NAA38: variants seen among roughly 807,000 people sequenced by gnomAD.
NAA38 encodes N-alpha-acetyltransferase 38, NatC auxiliary subunit.
A neutral mutation model predicts 12.6 loss-of-function variants in NAA38; 15 were observed. The ratio of observed to expected loss-of-function variants is 1.19; its 90% CI spans 0.79 to 1.83. The LOEUF (loss-of-function observed/expected upper bound fraction) is 1.83. Ranked by LOEUF, NAA38 falls within the 40% of genes most tolerant of loss-of-function variation. The pLI is 0.00. For missense variants in NAA38, 183 were observed against 171.7 expected (o/e 1.07, Z -0.37); for synonymous variants, 88 against 69.9 (o/e 1.26, Z -1.29).
upstream of NAA38, chr17:7,858,199 C>T (rs1190356343): frequency 1.2e-6 from 2 of 1,613,970 alleles, no homozygotes; most frequent in South Asian, 1.1e-5. Context: ...TATTTCACGC[C>T]GGCGGAGGTG....
upstream of NAA38, chr17:7,859,378 C>T (rs760384583): frequency 2.5e-5 from 41 of 1,613,194 alleles, no homozygotes; most frequent in East Asian, 8.9e-4. Context: ...TCTGTGTTCT[C>T]CAGGTGGGGG....
chr17:7,874,527 C>T (rs1181083167), intron 2 of NAA38, among the ~76,000 whole-genome samples: 2 of 152,156 alleles, frequency 1.3e-5, no homozygotes, highest in African/African-American at 4.8e-5. Flanking sequence ...CACAGCAAGA[C>T]TGCTGCAGCC....
intron 3 of NAA38, chr17:7,866,381 T>C: frequency 2.4e-6 from 2 of 823,018 alleles, no homozygotes; most frequent in Non-Finnish European, 3.2e-6. Flanking sequence ...GTGCTGGAAT[T>C]ACAGGTGTGA....
At chr17:7,859,610 T>C (rs201717097), upstream of NAA38, 39 of 1,613,852 alleles carry the variant, frequency 2.4e-5, no homozygotes, top group African/African-American at 4.1e-4. Flanking sequence ...CACGGAGTTG[T>C]AGGCAAGGAG....
In NAA38 at chr17:7,857,530, CTCGCGAGCGCTCCCGACCTCTTTCCTT is replaced by C; in HGVS notation, c.-94_-68del. 1 of 1,466,046 alleles carries C rather than the reference CTCGCGAGCGCTCCCGACCTCTTTCCTT, an allele frequency of 6.8e-7. No homozygotes were observed. The highest frequency in any genetic ancestry group is 9.0e-7 in the Non-Finnish European group (1 of 1,112,076). 90.8% of individuals were successfully genotyped at this position (1,466,046 alleles called of 1,614,324 possible). A position where few individuals can be genotyped will look rare whatever the true frequency, so the allele number is the denominator to read the frequency against. ...CCTTTCAGGTTGGGTGGTCCGAGATCTCGCGAGCGCTCCCGACCTCTTTCCTTTCGCGAGATCCCCTCTCCTCCCCCT... is the reference window on the plus strand; with the variant it reads ...CCTTTCAGGTTGGGTGGTCCGAGATCTCGCGAGATCCCCTCTCCTCCCCCT... On this transcript the variant is annotated 5_prime_UTR_variant, in exon 1 of 3. Coordinates refer to ENST00000575771, the MANE Select transcript of NAA38 (RefSeq NM_001320925.4).
At chr17:7,871,704 G>C (rs994708531) in intron 2 of NAA38, among the ~76,000 whole-genome samples, 7 of 152,164 alleles carry the variant, frequency 4.6e-5, no homozygotes, top group Non-Finnish European at 8.8e-5. Flanking sequence ...GCCCAGGCTG[G>C]AGTGCAGTGG....
At chr17:7,871,574 G>A (rs1567817487) in intron 2 of NAA38, among the ~76,000 whole-genome samples, 1 of 152,062 alleles carries the variant, frequency 6.6e-6, no homozygotes, top group Non-Finnish European at 1.5e-5. Flanking sequence ...CAATACTGGA[G>A]TAATCCTGGA....
At position 7,857,409 on chromosome 17, in the gene NAA38, G is replaced by T. The variant is rs772734868; in HGVS notation, c.55C>A (p.Arg19=). 3.1e-6 allele frequency: 5 copies of T among 1,598,552 alleles called. No individual in the cohort carries two copies. The highest frequency in any genetic ancestry group is 4.3e-6 in the Non-Finnish European group (5 of 1,174,696). The part of the protein sequence containing the change: ...LLREENGCCS[R]RQSSSSAGDS... ...CCAGCACTGGAGCTGCTCTGACGCC[G>T]ACTGCAACAGCCATTCTCTTCTCGT... Residue 19 remains arginine, a synonymous_variant, in exon 1 of 3, where the codon CGG becomes AGG. Coordinates refer to ENST00000575771, the MANE Select transcript of NAA38 (RefSeq NM_001320925.4).
chr17:7,877,757 G>GT (rs1464132436), intron 2 of NAA38, among the ~76,000 whole-genome samples: 1 of 152,154 alleles, frequency 6.6e-6, no homozygotes, highest in African/African-American at 2.4e-5. Flanking sequence ...GGCCTTGCTA[G>GT]TTTTGTGGCA....
chr17:7,873,424 G>A (rs1420561758), intron 2 of NAA38, among the ~76,000 whole-genome samples: 1 of 152,200 alleles, frequency 6.6e-6, no homozygotes, highest in Non-Finnish European at 1.5e-5. Context: ...AGCAGCTGTG[G>A]TGGGGGCAGA....
chr17:7,865,677 C>T (rs529674564), intron 3 of NAA38: 22 of 152,178 alleles, frequency 1.4e-4, no homozygotes, highest in East Asian at 7.7e-4. Context: ...GGAAGAGTCT[C>T]GGAATTACAC....
chr17:7,862,853 G>A (rs945313190), upstream of NAA38: 1 of 151,940 alleles, frequency 6.6e-6, no homozygotes, highest in African/African-American at 2.4e-5. Context: ...TACCTATAGA[G>A]TCAGGGAGAC....
upstream of NAA38, chr17:7,859,273 G>A (rs574294882): frequency 1.1e-5 from 9 of 830,414 alleles, no homozygotes; most frequent in South Asian, 3.3e-5. Flanking sequence ...TCCCGGGGCC[G>A]TAGAGTACCT....
chr17:7,867,057 G>C (rs1966996014), intron 2 of NAA38, among the ~76,000 whole-genome samples: 1 of 152,190 alleles, frequency 6.6e-6, no homozygotes, highest in Non-Finnish European at 1.5e-5. Context: ...AAGTGGGGAG[G>C]ACAAGGGATA....
Position 7,857,525 on chromosome 17 carries a change from G to A in NAA38, c.-62C>T. Reference sequence around the variant, plus strand: ...AAGCACCTTTCAGGTTGGGTGGTCCGAGATCTCGCGAGCGCTCCCGACCTC... The same window carrying A: ...AAGCACCTTTCAGGTTGGGTGGTCCAAGATCTCGCGAGCGCTCCCGACCTC... On this transcript the variant is annotated 5_prime_UTR_variant, in exon 1 of 3. Transcript: ENST00000575771. 1 of 1,469,772 alleles carries A rather than the reference G, an allele frequency of 6.8e-7. No homozygotes were observed. The highest frequency in any genetic ancestry group is 9.0e-7 in the Non-Finnish European group (1 of 1,113,660). The allele number at this position is 1,469,772 out of a possible 1,614,324, so 91.0% of individuals were successfully genotyped here.
At position 7,857,100 on chromosome 17, in the gene NAA38, T is replaced by A. The variant is rs2078826548; in HGVS notation, c.180A>T (p.Gly60=). 1 of 1,613,372 alleles carries A rather than the reference T, an allele frequency of 6.2e-7. No individual in the cohort carries two copies. Among genetic ancestry groups the A allele is most frequent in the Admixed American group, 1.7e-5 (1 of 60,008 alleles). Residue 60 remains glycine (G), a synonymous_variant, in exon 2 of 3, where the codon GGA becomes GGT. Coordinates refer to ENST00000575771, the MANE Select transcript of NAA38 (RefSeq NM_001320925.4). The part of the protein sequence containing the change: ...NKTMRIRMTD[G]RTLVGCFLCT... ...AGAGGAAGCAGCCGACCAGTGTCCG[T>A]CCATCTGTCATGCGAATGCGCATAG...
At chr17:7,862,649 G>T (rs1371804616), upstream of NAA38, 2 of 150,702 alleles carry the variant, frequency 1.3e-5, no homozygotes, top group East Asian at 2.0e-4. Context: ...TGAGGCAGGA[G>T]AATCGCTTGA....
At chr17:7,885,076 G>C in intron 1 of NAA38, 7 of 983,782 alleles carry the variant, frequency 7.1e-6, no homozygotes, top group Non-Finnish European at 8.4e-6. Context: ...CGCCGCCCCC[G>C]CCGCCAGGTA....
chr17:7,873,965 A>G (rs1435237203), intron 2 of NAA38, among the ~76,000 whole-genome samples: 1 of 152,208 alleles, frequency 6.6e-6, no homozygotes, highest in Non-Finnish European at 1.5e-5. Context: ...GAACAGAAAC[A>G]CTGGTCTGAA....
Sources: gnomAD v4.1 joint callset for allele counts (sites outside exome capture counted in the v4.1 genomes callset) on GRCh38, gnomAD v4.1.1 for gene constraint, MANE v1.5 for transcripts, NCBI Gene and HGNC (gene_info 2026-07-23, HGNC 2026-07-21) for gene names.